SLC16A10: variants seen among roughly 807,000 people sequenced by gnomAD.
SLC16A10 encodes the protein monocarboxylate transporter 10.
A neutral mutation model predicts 40.0 loss-of-function variants in SLC16A10; 27 were observed. That is an observed-to-expected ratio of 0.67 (90% confidence interval 0.50 to 0.93). The LOEUF (loss-of-function observed/expected upper bound fraction) is 0.93, where lower values mean the gene tolerates loss of function less well. SLC16A10 is among the 40% of genes least tolerant of loss of function. The pLI, the probability that SLC16A10 is intolerant of heterozygous loss-of-function variation, is 0.00. For missense variants in SLC16A10, 529 were observed against 658.2 expected (o/e 0.80, Z 2.15); for synonymous variants, 213 against 249.8 (o/e 0.85, Z 1.39).
At chr6:111,116,632 C>A (rs749268347) in intron 1 of SLC16A10, among the ~76,000 whole-genome samples, 13 of 152,174 alleles carry the variant, frequency 8.5e-5, no homozygotes, top group Non-Finnish European at 1.8e-4. Flanking sequence ...GGTTACTGTG[C>A]AGCAACATGG....
In SLC16A10 at chr6:111,177,359, C is replaced by T; in HGVS notation, c.636C>T (p.Val212=). 6.2e-7 allele frequency: 1 copy of T among 1,613,884 alleles called. No homozygotes were observed. Among genetic ancestry groups the T allele is most frequent in the Non-Finnish European group, 8.5e-7 (1 of 1,179,940 alleles). The change falls in exon 3 of 6, where the codon GTC becomes GTT. Residue 212 remains valine (V), a synonymous_variant. Coordinates refer to ENST00000368851, the MANE Select transcript of SLC16A10 (RefSeq NM_018593.5). ...VNGIVTAGSS[V]FTILLPLLLR... is the part of the protein sequence containing the mutation. The stretch of plus-strand genomic sequence containing the variant: ...GCATTGTCACTGCTGGCAGCAGTGT[C>T]TTCACAATCCTGCTGCCTTTGCTCT...
intron 4 of SLC16A10, among the ~76,000 whole-genome samples, chr6:111,210,915 G>A (rs1236528418): frequency 2.0e-5 from 3 of 151,906 alleles, no homozygotes; most frequent in African/African-American, 2.4e-5. Flanking sequence ...CCCAGCTACT[G>A]GGGAGGCTGA....
rs949066168 is a variant in SLC16A10 at position 111,225,999 on chromosome 6, A to G, written c.*3764A>G. ...GTTTCACTGAATGGATCCCCACCCA[A>G]TTTCGTGTATCCTGGTGAATGGCTT... On this transcript the variant is annotated 3_prime_UTR_variant, in exon 6 of 6. Transcript: ENST00000368851. 6.6e-6 allele frequency: 1 copy of G among 152,070 alleles called. No homozygotes were observed. Among genetic ancestry groups the G allele is most frequent in the Non-Finnish European group, 1.5e-5 (1 of 68,018 alleles). The allele number at this position is 152,070 out of a possible 1,614,324, so 9.4% of individuals were successfully genotyped here. A position where few individuals can be genotyped will look rare whatever the true frequency, so the allele number is the denominator to read the frequency against.
chr6:111,102,525 T>C (rs1016383679), intron 1 of SLC16A10, among the ~76,000 whole-genome samples: 3 of 152,176 alleles, frequency 2.0e-5, no homozygotes, highest in Non-Finnish European at 2.9e-5. Context: ...AGTGAATATA[T>C]TAGAGTAAAA....
At chr6:111,146,095 A>G (rs1432161202) in intron 1 of SLC16A10, among the ~76,000 whole-genome samples, 1 of 152,218 alleles carries the variant, frequency 6.6e-6, no homozygotes, top group African/African-American at 2.4e-5. Flanking sequence ...TATAAAGAAC[A>G]CTTGCAACTC....
chr6:111,207,961 C>T (rs1295652884), intron 4 of SLC16A10, among the ~76,000 whole-genome samples: 1 of 151,598 alleles, frequency 6.6e-6, no homozygotes, highest in East Asian at 1.9e-4. Flanking sequence ...ATTGGGGTGG[C>T]GGGGGTTGGT....
At chr6:111,218,698 C>A in intron 4 of SLC16A10, 116 bp from the exon 5 acceptor site, 1 of 780,626 alleles carries the variant, frequency 1.3e-6, no homozygotes, top group Non-Finnish European at 2.2e-6. Flanking sequence ...GTGAATGAGG[C>A]AGTGGCAGGG....
intron 4 of SLC16A10, among the ~76,000 whole-genome samples, chr6:111,209,929 G>T (rs916122101): frequency 4.6e-5 from 7 of 152,102 alleles, no homozygotes; most frequent in African/African-American, 1.7e-4. Context: ...TGGAAGGAAG[G>T]TAAAGGCAAG....
intron 5 of SLC16A10, 75 bp from the exon 6 acceptor site, chr6:111,221,928 C>A (rs539547879): frequency 4.7e-4 from 635 of 1,354,144 alleles, no homozygotes; most frequent in Non-Finnish European, 6.0e-4. Flanking sequence ...ATGTCTGAAT[C>A]AGTCCTGTGG....
chr6:111,102,724 C>CT (rs1303767315), intron 1 of SLC16A10, among the ~76,000 whole-genome samples: 1 of 152,070 alleles, frequency 6.6e-6, no homozygotes, highest in East Asian at 1.9e-4. Flanking sequence ...GGCATGAGGA[C>CT]TTTGTGATTC....
chr6:111,156,016 A>G (rs1237906638), intron 1 of SLC16A10, among the ~76,000 whole-genome samples: 1 of 152,222 alleles, frequency 6.6e-6, no homozygotes, highest in Non-Finnish European at 1.5e-5. Context: ...AAAACTAAAA[A>G]CAATAAACTG....
chr6:111,093,816 C>G (rs1771026031), intron 1 of SLC16A10, among the ~76,000 whole-genome samples: 1 of 152,094 alleles, frequency 6.6e-6, no homozygotes. Flanking sequence ...TAAGAGAACT[C>G]ACTTATGGCA....
intron 4 of SLC16A10, among the ~76,000 whole-genome samples, chr6:111,209,548 G>A (rs1054355535): frequency 6.6e-6 from 1 of 152,130 alleles, no homozygotes; most frequent in Non-Finnish European, 1.5e-5. Context: ...TGTGATGCCT[G>A]TAGGAAAGCC....
At chr6:111,201,860 A>G (rs1238301316) in intron 3 of SLC16A10, among the ~76,000 whole-genome samples, 5 of 152,182 alleles carry the variant, frequency 3.3e-5, no homozygotes, top group Non-Finnish European at 7.3e-5. Flanking sequence ...TGGTGATGAG[A>G]AGCTTGAGTT....
At chr6:111,089,925 T>TTTG (rs1770944260) in intron 1 of SLC16A10, among the ~76,000 whole-genome samples, 1 of 114,040 alleles carries the variant, frequency 8.8e-6, no homozygotes, top group East Asian at 2.3e-4. Context: ...TTTTTTTTTT[T>TTTG]TTTTTTTTTT....
chr6:111,180,135 A>G lies in SLC16A10; in HGVS notation c.942+2470A>G, dbSNP rs80077092. On this transcript the variant is annotated intron_variant, in intron 3 of 5. Coordinates refer to ENST00000368851, the MANE Select transcript of SLC16A10 (RefSeq NM_018593.5). ...CTAGTACATGTAATTAAAAATGGCT[A>G]CAGTTTATAAAGCACTTTTACATAC... Among the ~76,000 whole-genome samples, 18 of 152,362 alleles carry G rather than the reference A, an allele frequency of 1.2e-4. No homozygotes were observed. In the East Asian group the frequency reaches 3.5e-3, roughly 29 times the overall value.
At chr6:111,210,624 C>T (rs906156550) in intron 4 of SLC16A10, among the ~76,000 whole-genome samples, 1 of 151,978 alleles carries the variant, frequency 6.6e-6, no homozygotes, top group Non-Finnish European at 1.5e-5. Context: ...AGGAAGAAGC[C>T]GAATGTGTGT....
rs765322988 is a variant in SLC16A10 at position 111,087,924 on chromosome 6, C to A, written c.172C>A (p.Pro58Thr). The A allele has an allele frequency of 6.3e-7, 1 of 1,595,384 alleles. No homozygotes were observed. The highest frequency in any genetic ancestry group is 2.3e-5 in the East Asian group (1 of 43,422). Residue 58 changes from proline to threonine, a missense_variant, in exon 1 of 6, where the codon CCC becomes ACC. Transcript: ENST00000368851. ...GCTGGCGGGGCCGGCGACCGCGGAG[C>A]CCCATGAGCCCCCCGAACCCCCCGA... ...VELAGPATAEPHEPPEPPEGG... is the reference protein window; with the variant it reads ...VELAGPATAETHEPPEPPEGG...
chr6:111,087,851 G>C lies in SLC16A10; in HGVS notation c.99G>C (p.Pro33=). ...CGGGGGCCGCTCCGCCGCCCGGCCCGGGACCCTCGGACAGCCCCGAGGCGG... is the reference window on the plus strand; with the variant it reads ...CGGGGGCCGCTCCGCCGCCCGGCCCCGGACCCTCGGACAGCCCCGAGGCGG... ...APTGAAPPPG[P]GPSDSPEAAV... is the part of the protein sequence containing the mutation. The change falls in exon 1 of 6, where the codon CCG becomes CCC. Residue 33 remains proline, a synonymous_variant. Transcript: ENST00000368851. The C allele has an allele frequency of 1.4e-6, 2 of 1,423,000 alleles. No homozygotes were observed. Among genetic ancestry groups the C allele is most frequent in the Non-Finnish European group, 1.8e-6 (2 of 1,096,632 alleles). 88.1% of individuals were successfully genotyped at this position (1,423,000 alleles called of 1,614,324 possible). A position where few individuals can be genotyped will look rare whatever the true frequency, so the allele number is the denominator to read the frequency against.
Sources: gnomAD v4.1 joint callset for allele counts (sites outside exome capture counted in the v4.1 genomes callset) on GRCh38, gnomAD v4.1.1 for gene constraint, MANE v1.5 for transcripts, NCBI Gene and HGNC (gene_info 2026-07-23, HGNC 2026-07-21) for gene names.